Variants in EYA1 observed in about 807,000 individuals in gnomAD.
EYA1 encodes EYA transcriptional coactivator and phosphatase 1, also known as protein phosphatase EYA1.
In EYA1, 16 loss-of-function variants were observed where a neutral mutation model predicts 82.0. That is an observed-to-expected ratio of 0.20 (90% CI 0.13 to 0.30). EYA1 has a LOEUF of 0.30. Ranked by LOEUF, EYA1 falls within the 10% of genes least tolerant of loss-of-function variation. The pLI, the probability that EYA1 is intolerant of heterozygous loss-of-function variation, is 1.00. For missense variants in EYA1, 633 were observed against 730.7 expected, an observed-to-expected ratio of 0.87 and a Z score of 1.54; for synonymous variants, 261 against 264.4, an observed-to-expected ratio of 0.99 and a Z score of 0.12.
chr8:71,322,117 C>T, intron 5 of EYA1, 82 bp downstream of exon 5: 2 of 1,241,222 alleles, frequency 1.6e-6, no homozygotes, highest in East Asian at 4.6e-5. Flanking sequence ...TAAGATGGAA[C>T]ATGTGGGCAC....
chr8:71,434,375 A>G (rs1805850109), intron 2 of EYA1, among the ~76,000 whole-genome samples: 1 of 152,170 alleles, frequency 6.6e-6, no homozygotes, highest in African/African-American at 2.4e-5. Context: ...TAAACCTGTC[A>G]CTCAAAGGAC....
At chr8:71,295,140 A>G (rs1819462688) in intron 9 of EYA1, among the ~76,000 whole-genome samples, 1 of 152,218 alleles carries the variant, frequency 6.6e-6, no homozygotes, top group South Asian at 2.1e-4. Context: ...ACTTCTAGAT[A>G]GTAACACAGG....
At chr8:71,227,663 G>C (rs1017362108) in intron 12 of EYA1, among the ~76,000 whole-genome samples, 3 of 152,022 alleles carry the variant, frequency 2.0e-5, no homozygotes, top group Non-Finnish European at 2.9e-5. Flanking sequence ...TATTAAATAG[G>C]TCATACATTA....
intron 2 of EYA1, among the ~76,000 whole-genome samples, chr8:71,507,604 G>A (rs898830316): frequency 2.0e-5 from 3 of 152,192 alleles, no homozygotes; most frequent in South Asian, 2.1e-4. Flanking sequence ...GTCTGCAATA[G>A]CAAAAGATTG....
chr8:71,541,071 C>T (rs1039849113), intron 1 of EYA1, among the ~76,000 whole-genome samples: 4 of 152,202 alleles, frequency 2.6e-5, no homozygotes, highest in African/African-American at 9.7e-5. Flanking sequence ...TGTCTGTCAC[C>T]TCTTCTGTGC....
chr8:71,311,400 C>T (rs928709677), intron 7 of EYA1, among the ~76,000 whole-genome samples: 2 of 152,190 alleles, frequency 1.3e-5, no homozygotes, highest in African/African-American at 4.8e-5. Flanking sequence ...ACACACAACA[C>T]CCCGTTTCAC....
intron 2 of EYA1, among the ~76,000 whole-genome samples, chr8:71,511,979 T>TA (rs1447951919): frequency 1.3e-5 from 2 of 152,048 alleles, no homozygotes; most frequent in African/African-American, 4.8e-5. Context: ...CCCTCAATAG[T>TA]AAAAAGCAGG....
At chr8:71,469,586 T>C (rs536653964) in intron 2 of EYA1, among the ~76,000 whole-genome samples, 6 of 152,290 alleles carry the variant, frequency 3.9e-5, no homozygotes, top group African/African-American at 1.4e-4. Flanking sequence ...AAATCAGTTG[T>C]ATGTGTGCAT....
chr8:71,321,160 C>T (rs1011094363), intron 6 of EYA1, among the ~76,000 whole-genome samples: 1 of 152,226 alleles, frequency 6.6e-6, no homozygotes, highest in Non-Finnish European at 1.5e-5. Context: ...TAAAGATAAT[C>T]TCCAGGTGGG....
chr8:71,418,819 G>A (rs1250080768), intron 2 of EYA1, among the ~76,000 whole-genome samples: 3 of 152,162 alleles, frequency 2.0e-5, no homozygotes, highest in Non-Finnish European at 2.9e-5. Context: ...CAATGGGAGG[G>A]AGGGAGGTGC....
intron 2 of EYA1, among the ~76,000 whole-genome samples, chr8:71,446,214 T>C (rs1447480793): frequency 6.6e-6 from 1 of 152,178 alleles, no homozygotes; most frequent in African/African-American, 2.4e-5. Context: ...TCATCTTGAA[T>C]TATAATCTCC....
intron 12 of EYA1, 99 bp downstream of exon 12, chr8:71,244,504 A>G (rs1282359968): frequency 1.4e-6 from 1 of 703,098 alleles, no homozygotes; most frequent in African/African-American, 1.8e-5. Context: ...CTGTCTCACT[A>G]TTCCAATTAT....
intron 2 of EYA1, among the ~76,000 whole-genome samples, chr8:71,505,833 C>T (rs565732169): frequency 4.2e-4 from 64 of 152,238 alleles, no homozygotes; most frequent in African/African-American, 1.4e-3. Flanking sequence ...CATCTTGAAG[C>T]GTAATCTTCA....
At chr8:71,353,375 A>C (rs1342088041) in intron 3 of EYA1, among the ~76,000 whole-genome samples, 1 of 152,214 alleles carries the variant, frequency 6.6e-6, no homozygotes, top group East Asian at 1.9e-4. Flanking sequence ...ACACACTAGA[A>C]CTACTTTCCT....
intron 11 of EYA1, among the ~76,000 whole-genome samples, chr8:71,260,884 A>G (rs1815016733): frequency 6.6e-6 from 1 of 152,210 alleles, no homozygotes; most frequent in Non-Finnish European, 1.5e-5. Context: ...CAAAAGAAAG[A>G]AAAATACTCA....
At chr8:71,217,045 A>C in intron 12 of EYA1, 22 bp from the exon 13 acceptor site, 1 of 1,586,184 alleles carries the variant, frequency 6.3e-7, no homozygotes, top group East Asian at 2.2e-5. Context: ...TTAAAATGAT[A>C]CATGTCAATT....
At chr8:71,241,340 G>A (rs1358387457) in intron 12 of EYA1, among the ~76,000 whole-genome samples, 2 of 152,070 alleles carry the variant, frequency 1.3e-5, no homozygotes, top group Non-Finnish European at 1.5e-5. Context: ...CTTAGAGTTC[G>A]ATTAAGATAT....
intron 11 of EYA1, 34 bp downstream of exon 11, chr8:71,269,706 A>T (rs763697164): frequency 1.4e-5 from 21 of 1,517,578 alleles, no homozygotes; most frequent in Non-Finnish European, 1.9e-5. Context: ...ATTTACTCCA[A>T]AGAAATTAAA....
Position 71,388,406 on chromosome 8 carries a change from A to G in EYA1, c.34-31895T>C, listed in dbSNP as rs1829086410. 3.9e-5 allele frequency among the ~76,000 whole-genome samples: 6 copies of G among 152,334 alleles called. No homozygotes were observed. In the South Asian group the frequency reaches 1.2e-3, roughly 32 times the overall value. On this transcript the variant is annotated intron_variant, in intron 2 of 18. Transcript: ENST00000643681. ...GTACGACAATAGAAAAAAGAAAGCC[A>G]AGGAGCACACAGTGCTCCTAAACAG...
Sources: gnomAD v4.1 joint callset for allele counts (sites outside exome capture counted in the v4.1 genomes callset) on GRCh38, gnomAD v4.1.1 for gene constraint, MANE v1.5 for transcripts, NCBI Gene and HGNC (gene_info 2026-07-23, HGNC 2026-07-21) for gene names.